Variants in RFX4 observed in about 807,000 individuals in gnomAD.
RFX4 encodes transcription factor RFX4.
A neutral mutation model predicts 95.0 loss-of-function variants in RFX4; 10 were observed. That is an observed-to-expected ratio of 0.11 (90% CI 0.06 to 0.18). The LOEUF (loss-of-function observed/expected upper bound fraction) is 0.18, where lower values mean the gene tolerates loss of function less well. RFX4 is among the 10% of genes least tolerant of loss of function. The probability of loss-of-function intolerance (pLI) is 1.00; values close to 1 mark genes in which losing one functional copy is unlikely to be tolerated. For synonymous variants in RFX4, 321 were observed against 340.7 expected (o/e 0.94, Z 0.64); for missense variants, 640 against 922.0 (o/e 0.69, Z 3.96).
chr12:106,652,287 G>T (rs1475087040), intron 3 of RFX4, among the ~76,000 whole-genome samples: 1 of 152,162 alleles, frequency 6.6e-6, no homozygotes, highest in African/African-American at 2.4e-5. Flanking sequence ...GGTTATCTGT[G>T]TCTTTGTCCA....
At chr12:106,676,325 C>T (rs2041391280) in intron 4 of RFX4, among the ~76,000 whole-genome samples, 1 of 152,130 alleles carries the variant, frequency 6.6e-6, no homozygotes, top group Non-Finnish European at 1.5e-5. Flanking sequence ...AATAGTGCAA[C>T]ACCAAGTAGT....
intron 16 of RFX4, 22 bp from the exon 17 acceptor site, chr12:106,750,633 C>T (rs753931739): frequency 6.4e-7 from 1 of 1,573,190 alleles, no homozygotes; most frequent in Non-Finnish European, 8.6e-7. Flanking sequence ...TCACACTATT[C>T]AATGTGCTTG....
At chr12:106,700,637 A>G (rs909621281) in intron 8 of RFX4, among the ~76,000 whole-genome samples, 2 of 149,684 alleles carry the variant, frequency 1.3e-5, no homozygotes, top group Non-Finnish European at 3.0e-5. Context: ...CGATCTCCTG[A>G]CCTCGTGATC....
chr12:106,591,261 C>CTTTTTTTTTTTTTTTTTTTTTT lies in RFX4; in HGVS notation c.43+7898_43+7899insTTTTTTTTTTTTTTTTTTTTTT, dbSNP rs1565942195. Among the ~76,000 whole-genome samples the CTTTTTTTTTTTTTTTTTTTTTT allele has an allele frequency of 1.5e-4, 10 of 66,466 alleles. 5 individuals carry two copies. The highest frequency in any genetic ancestry group is 1.5e-3 in the South Asian group (2 of 1,342). The allele number at this position is 66,466 out of a possible 152,430, so 43.6% of individuals were successfully genotyped here. A position where few individuals can be genotyped will look rare whatever the true frequency, so the allele number is the denominator to read the frequency against. On this transcript the variant is annotated intron_variant, in intron 1 of 17. Transcript: ENST00000392842. The stretch of plus-strand genomic sequence containing the variant: ...CCTATATGAAAGTGTTAAAATAGTC[C>CTTTTTTTTTTTTTTTTTTTTTT]CTTTTTTTTTTTTTTTTTTTTTTTT...
In RFX4 at chr12:106,761,331, G is replaced by A; in HGVS notation, c.2070G>A (p.Val690=). ...SANTCYTSPS[V]HSARYGNSSD... is the part of the protein sequence containing the mutation. The stretch of plus-strand genomic sequence containing the variant: ...ACACGTGCTACACAAGCCCGTCTGT[G>A]CATTCTGCGAGGTACGGAAACTCTA... The change falls in exon 18 of 18, where the codon GTG becomes GTA. Residue 690 remains valine, a synonymous_variant. Coordinates refer to ENST00000392842, the MANE Select transcript of RFX4 (RefSeq NM_213594.3). The A allele has an allele frequency of 6.2e-7, 1 of 1,614,128 alleles. No homozygotes were observed. The highest frequency in any genetic ancestry group is 8.5e-7 in the Non-Finnish European group (1 of 1,180,026).
At position 106,583,240 on chromosome 12, in the gene RFX4, T is replaced by C. The variant is rs1418785512; in HGVS notation, c.-81T>C. On this transcript the variant is annotated 5_prime_UTR_variant, in exon 1 of 18. Transcript: ENST00000392842. ...TCCCCTTCTCCCTCCCTCCCTCCCT[T>C]CCTCCCTGGGCATCTCTAGCACAGG... The C allele has an allele frequency of 1.0e-6, 1 of 976,706 alleles. No homozygotes were observed. The highest frequency in any genetic ancestry group is 2.8e-5 in the Admixed American group (1 of 36,162). 60.5% of individuals were successfully genotyped at this position (976,706 alleles called of 1,614,324 possible). A position where few individuals can be genotyped will look rare whatever the true frequency, so the allele number is the denominator to read the frequency against.
rs895715662 is a variant in RFX4, at chr12:106,615,021, A to G, written c.130+6138A>G. 6.6e-5 allele frequency among the ~76,000 whole-genome samples: 10 copies of G among 152,196 alleles called. No homozygotes were observed. The East Asian group carries it at 1.7e-3, about 26-fold the overall frequency. Reference sequence around the variant, plus strand: ...AAAATTTAATTAATGTTTTTCTTTTATAGTTAGTGCTTTGGTATCCTATTA... The same window carrying G: ...AAAATTTAATTAATGTTTTTCTTTTGTAGTTAGTGCTTTGGTATCCTATTA... On this transcript the variant is annotated intron_variant, in intron 2 of 17. Transcript: ENST00000392842.
At chr12:106,618,901 A>C (rs532548300) in intron 2 of RFX4, among the ~76,000 whole-genome samples, 1 of 152,096 alleles carries the variant, frequency 6.6e-6, no homozygotes, top group Non-Finnish European at 1.5e-5. Context: ...TCAATTATAC[A>C]TTCTTTTAGA....
chr12:106,687,599 T>G (rs906056766), intron 6 of RFX4, among the ~76,000 whole-genome samples: 12 of 152,048 alleles, frequency 7.9e-5, no homozygotes, highest in African/African-American at 2.9e-4. Flanking sequence ...GGACTATAGT[T>G]AATAACAATT....
intron 9 of RFX4, among the ~76,000 whole-genome samples, chr12:106,710,744 G>A (rs1191348628): frequency 6.6e-6 from 1 of 152,286 alleles, no homozygotes; most frequent in Admixed American, 6.5e-5. Context: ...TTGAGAATGT[G>A]CAAGGGGTGG....
At chr12:106,606,438 A>G (rs183229199) in intron 1 of RFX4, among the ~76,000 whole-genome samples, 241 of 152,320 alleles carry the variant, frequency 1.6e-3, no homozygotes, top group African/African-American at 5.6e-3. Flanking sequence ...AAAATGTGCC[A>G]GGACTTGAAA....
At chr12:106,691,977 T>A (rs2041793363) in intron 7 of RFX4, among the ~76,000 whole-genome samples, 1 of 152,198 alleles carries the variant, frequency 6.6e-6, no homozygotes, top group East Asian at 1.9e-4. Context: ...GTCAGCATGA[T>A]GAAACCTCAT....
At chr12:106,718,073 G>A (rs1054905621) in intron 11 of RFX4, among the ~76,000 whole-genome samples, 1 of 152,208 alleles carries the variant, frequency 6.6e-6, no homozygotes, top group Non-Finnish European at 1.5e-5. Context: ...ATTAGAATGA[G>A]TTATAATTGT....
intron 15 of RFX4, among the ~76,000 whole-genome samples, chr12:106,742,101 C>T (rs893602134): frequency 6.6e-6 from 1 of 152,198 alleles, no homozygotes; most frequent in African/African-American, 2.4e-5. Context: ...AAAAAGGGTA[C>T]AGCCAGGTAG....
At chr12:106,699,454 T>G (rs2041945101) in intron 8 of RFX4, among the ~76,000 whole-genome samples, 2 of 152,194 alleles carry the variant, frequency 1.3e-5, no homozygotes, top group South Asian at 4.1e-4. Context: ...TCTTTGTCTT[T>G]ACTGATTTTC....
intron 17 of RFX4, among the ~76,000 whole-genome samples, chr12:106,756,542 G>A (rs1047824850): frequency 6.7e-6 from 1 of 148,924 alleles, no homozygotes; most frequent in Non-Finnish European, 1.5e-5. Flanking sequence ...CTGTACTTTG[G>A]GTTGGTGTCT....
At position 106,644,531 on chromosome 12, in the gene RFX4, C is replaced by T. The variant is rs2040703138; in HGVS notation, c.191+5139C>T. ...TACAGGCATGAGCCACCCCACCCGG[C>T]GCCACTTCCCTTTTGATGAACATTT... On this transcript the variant is annotated intron_variant, in intron 3 of 17. Coordinates refer to ENST00000392842, the MANE Select transcript of RFX4 (RefSeq NM_213594.3). 2.6e-5 allele frequency among the ~76,000 whole-genome samples: 4 copies of T among 152,168 alleles called. No individual in the cohort carries two copies. In the South Asian group the frequency reaches 6.2e-4, roughly 24 times the overall value.
chr12:106,630,500 C>G (rs2040397213), intron 2 of RFX4, among the ~76,000 whole-genome samples: 1 of 152,198 alleles, frequency 6.6e-6, no homozygotes, highest in Admixed American at 6.5e-5. Flanking sequence ...TGCCCACTGC[C>G]AAAGGCCTGG....
intron 7 of RFX4, among the ~76,000 whole-genome samples, chr12:106,693,824 A>C (rs1173721417): frequency 6.6e-6 from 1 of 152,220 alleles, no homozygotes; most frequent in Non-Finnish European, 1.5e-5. Context: ...AGGGCAGGAC[A>C]CTGATCTCTT....
Sources: allele counts gnomAD v4.1 joint callset (sites outside exome capture counted in the v4.1 genomes callset), GRCh38; gene constraint gnomAD v4.1.1; transcripts MANE v1.5; gene names NCBI Gene and HGNC (gene_info 2026-07-23, HGNC 2026-07-21).